Variants in ZNF723 observed in about 807,000 individuals in gnomAD.
The protein encoded by ZNF723 is zinc finger protein 723, pseudogene.
Under a neutral mutation model 9.4 loss-of-function variants are expected in ZNF723, and 5 were observed. That is an observed-to-expected ratio of 0.53 (90% CI 0.28 to 1.12). ZNF723 has a LOEUF of 1.12. Ranked by LOEUF, ZNF723 falls within the 50% of genes most tolerant of loss-of-function variation. ZNF723 has a pLI of 0.10. For missense variants in ZNF723, 450 were observed against 501.5 expected (o/e 0.90, Z 0.98); for synonymous variants, 158 against 168.8 (o/e 0.94, Z 0.49).
the ZNF723 span, among the ~76,000 whole-genome samples, chr19:22,812,267 G>A: frequency 2.9e-4 from 44 of 152,076 alleles, no homozygotes; most frequent in African/African-American, 8.5e-4. Flanking sequence ...CACCTCACCC[G>A]GCCAACATGA....
At chr19:22,828,380 G>T (rs1967059464), upstream of ZNF723, among the ~76,000 whole-genome samples, 2 of 152,080 alleles carry the variant, frequency 1.3e-5, no homozygotes, top group South Asian at 4.1e-4. Context: ...GTTGGCGGGG[G>T]GTGGTGGCTC....
intron 1 of ZNF723, among the ~76,000 whole-genome samples, chr19:22,847,974 G>A (rs1185151729): frequency 6.6e-6 from 1 of 151,732 alleles, no homozygotes; most frequent in Non-Finnish European, 1.5e-5. Context: ...GGTGGTGGGT[G>A]TCTTGTAATC....
the ZNF723 span, among the ~76,000 whole-genome samples, chr19:22,817,682 T>A: frequency 3.5e-4 from 53 of 152,322 alleles, no homozygotes; most frequent in African/African-American, 1.3e-3. Flanking sequence ...GTGACATGTA[T>A]CTTTGCCCAG....
intron 1 of ZNF723, among the ~76,000 whole-genome samples, chr19:22,843,882 A>G (rs1442165892): frequency 6.6e-6 from 1 of 152,210 alleles, no homozygotes; most frequent in Non-Finnish European, 1.5e-5. Context: ...AAAAAAAATT[A>G]TACAAACTCT....
At chr19:22,847,335 A>G (rs1373130928) in intron 1 of ZNF723, among the ~76,000 whole-genome samples, 1 of 151,572 alleles carries the variant, frequency 6.6e-6, no homozygotes, top group Non-Finnish European at 1.5e-5. Context: ...GCTCTTTCTT[A>G]GAGTTTCTTT....
At chr19:22,827,784 A>T (rs1967053308), upstream of ZNF723, among the ~76,000 whole-genome samples, 1 of 152,072 alleles carries the variant, frequency 6.6e-6, no homozygotes, top group South Asian at 2.1e-4. Context: ...TCAAAATAGT[A>T]GTCTCCCAGG....
intron 1 of ZNF723, among the ~76,000 whole-genome samples, chr19:22,842,966 G>C (rs2169794): frequency 0.21 from 31,853 of 152,034 alleles, 3,940 homozygotes; most frequent in African/African-American, 0.35. Flanking sequence ...CTACAGTTAT[G>C]TGAGGGCCAC....
chr19:22,842,492 C>T (rs1967260969), intron 1 of ZNF723, among the ~76,000 whole-genome samples: 1 of 152,056 alleles, frequency 6.6e-6, no homozygotes, highest in Non-Finnish European at 1.5e-5. Flanking sequence ...TTGTATCAGC[C>T]ATCTCTCTCT....
intron 1 of ZNF723, among the ~76,000 whole-genome samples, chr19:22,839,253 C>G (rs1967208081): frequency 6.6e-6 from 1 of 152,066 alleles, no homozygotes; most frequent in Non-Finnish European, 1.5e-5. Context: ...CTGCAGTGAC[C>G]ATGAATGTGC....
chr19:22,848,250 T>G lies in ZNF723; in HGVS notation c.4-11T>G, dbSNP rs61291973. 5,659 of 1,026,934 alleles carry G rather than the reference T, an allele frequency of 5.5e-3. 123 individuals carry two copies. In the African/African-American group the frequency reaches 0.068, roughly 12 times the overall value. 63.6% of individuals were successfully genotyped at this position (1,026,934 alleles called of 1,614,324 possible). A position where few individuals can be genotyped will look rare whatever the true frequency, so the allele number is the denominator to read the frequency against. On this transcript the variant is annotated splice_polypyrimidine_tract_variant and intron_variant, in intron 1 of 3. Transcript: ENST00000600766. ...AATATGTGTGTATGTGTGTGTGTGT[T>G]TTTTTTTCAGGGACCATTGACATTC... is the stretch of plus-strand genomic sequence containing the variant.
chr19:22,822,775 T>C, the ZNF723 span, among the ~76,000 whole-genome samples: 4 of 152,012 alleles, frequency 2.6e-5, no homozygotes, highest in Non-Finnish European at 5.9e-5. Context: ...GGCAGGAGAA[T>C]TGCGTGAACC....
chr19:22,832,883 CTT>C (rs1367120760), intron 1 of ZNF723, among the ~76,000 whole-genome samples: 2 of 152,146 alleles, frequency 1.3e-5, no homozygotes, highest in African/African-American at 2.4e-5. Flanking sequence ...GAAGAAAAGA[CTT>C]TTATAAGATG....
chr19:22,822,670 G>A, the ZNF723 span, among the ~76,000 whole-genome samples: 1 of 152,168 alleles, frequency 6.6e-6, no homozygotes, highest in Non-Finnish European at 1.5e-5. Context: ...AGACCATCCT[G>A]GCTAACATGG....
At chr19:22,855,702 T>C (rs1326303278) in intron 3 of ZNF723, among the ~76,000 whole-genome samples, 1 of 152,186 alleles carries the variant, frequency 6.6e-6, no homozygotes, top group Non-Finnish European at 1.5e-5. Flanking sequence ...TGATAGGTAT[T>C]TTTCCAGGAC....
upstream of ZNF723, among the ~76,000 whole-genome samples, chr19:22,829,654 A>T (rs1185700482): frequency 6.6e-6 from 1 of 152,228 alleles, no homozygotes; most frequent in African/African-American, 2.4e-5. Context: ...CTCAAAATTG[A>T]GAAGATGACC....
chr19:22,835,349 G>A (rs995333873), intron 1 of ZNF723, among the ~76,000 whole-genome samples: 19 of 151,814 alleles, frequency 1.3e-4, no homozygotes, highest in Admixed American at 6.6e-4. Context: ...TAATCCCTGG[G>A]TTTGCCACCT....
chr19:22,822,363 G>T, the ZNF723 span, among the ~76,000 whole-genome samples: 3 of 152,174 alleles, frequency 2.0e-5, no homozygotes, highest in Non-Finnish European at 4.4e-5. Context: ...TCTGGACCCA[G>T]CTCAGAGGCA....
At chr19:22,821,590 T>C in the ZNF723 span, among the ~76,000 whole-genome samples, 3 of 152,198 alleles carry the variant, frequency 2.0e-5, no homozygotes, top group African/African-American at 7.2e-5. Flanking sequence ...AGAGTGGACA[T>C]TGACGTATTT....
chr19:22,858,329 C>G lies in ZNF723; in HGVS notation c.1438C>G (p.Pro480Ala), dbSNP rs1328356965. Residue 480 changes from proline (P) to alanine (A), a missense_variant, in exon 4 of 4, where the codon CCT becomes GCT. This residue lies in a region of ZNF723 where 43 missense variants were observed against 22.2 expected (regional missense o/e 1.94). Coordinates refer to ENST00000600766, the MANE Select transcript of ZNF723 (RefSeq NM_001349726.2). ...KHKIIHAREKPYKCEECGKAF... is the reference protein window; with the variant it reads ...KHKIIHAREKAYKCEECGKAF... ...TAAGATAATTCATGCTAGAGAGAAGCCTTACAAATGTGAAGAATGTGGCAA... is the reference window on the plus strand; with the variant it reads ...TAAGATAATTCATGCTAGAGAGAAGGCTTACAAATGTGAAGAATGTGGCAA... The G allele has an allele frequency of 1.1e-5, 12 of 1,108,942 alleles. No individual in the cohort carries two copies. The highest frequency in any genetic ancestry group is 4.8e-5 in the East Asian group (2 of 41,794). The allele number at this position is 1,108,942 out of a possible 1,614,324, so 68.7% of individuals were successfully genotyped here. A position where few individuals can be genotyped will look rare whatever the true frequency, so the allele number is the denominator to read the frequency against.
Sources: gnomAD v4.1 joint callset for allele counts (sites outside exome capture counted in the v4.1 genomes callset) on GRCh38, gnomAD v4.1.1 for gene constraint, gnomAD v4.1.1 regional missense constraint, MANE v1.5 for transcripts, NCBI Gene and HGNC (gene_info 2026-07-23, HGNC 2026-07-21) for gene names.